Variants in HECA observed in about 807,000 individuals in gnomAD.
HECA encodes the protein headcase protein homolog.
HECA carries 13 observed loss-of-function variants against 37.6 expected under a neutral mutation model. The ratio of observed to expected loss-of-function variants is 0.35; its 90% CI spans 0.23 to 0.55. The LOEUF (loss-of-function observed/expected upper bound fraction) is 0.55, where lower values mean the gene tolerates loss of function less well. Among genes scored for constraint, HECA ranks in the 20% least tolerant of loss-of-function variants. The pLI is 0.90. For missense variants in HECA, 527 were observed against 701.9 expected (o/e 0.75, Z 2.82); for synonymous variants, 307 against 291.5 (o/e 1.05, Z -0.54).
At chr6:139,135,827 A>T (rs1488386224) in intron 1 of HECA, among the ~76,000 whole-genome samples, 160 bp downstream of exon 1, 1 of 150,742 alleles carries the variant, frequency 6.6e-6, no homozygotes, top group East Asian at 2.0e-4. Context: ...CGCGGTCCCC[A>T]CGCCTGGCGG....
intron 1 of HECA, among the ~76,000 whole-genome samples, chr6:139,141,041 C>T (rs956163295): frequency 6.6e-6 from 1 of 152,204 alleles, no homozygotes; most frequent in African/African-American, 2.4e-5. Flanking sequence ...CCGCCCACCT[C>T]GGCCTCCCAA....
intron 1 of HECA, among the ~76,000 whole-genome samples, chr6:139,136,876 C>A (rs557183166): frequency 6.6e-6 from 1 of 152,054 alleles, no homozygotes; most frequent in Non-Finnish European, 1.5e-5. Context: ...CCTCGTGATC[C>A]GCCCGTCTCG....
chr6:139,170,581 G>A (rs1237691694), intron 2 of HECA: 1 of 152,318 alleles, frequency 6.6e-6, no homozygotes, highest in Admixed American at 6.6e-5. Flanking sequence ...GCAAAGGAAG[G>A]GTGGTTAAAA....
chr6:139,140,131 C>T (rs1001330066), intron 1 of HECA, among the ~76,000 whole-genome samples: 1 of 152,068 alleles, frequency 6.6e-6, no homozygotes, highest in African/African-American at 2.4e-5. Flanking sequence ...TTTTTATAAC[C>T]GAGGTTTGTA....
At chr6:139,139,092 A>T (rs1774484340) in intron 1 of HECA, among the ~76,000 whole-genome samples, 1 of 152,188 alleles carries the variant, frequency 6.6e-6, no homozygotes, top group South Asian at 2.1e-4. Context: ...CTGTTATTGG[A>T]TGACCATGGT....
At chr6:139,171,839 T>G (rs957555653) in intron 2 of HECA, among the ~76,000 whole-genome samples, 2 of 151,636 alleles carry the variant, frequency 1.3e-5, no homozygotes, top group Non-Finnish European at 2.9e-5. Context: ...TTGTTGTGTT[T>G]TTTTTTTTTG....
Position 139,138,482 on chromosome 6 carries a change from CTT to C in HECA, c.271+2816_271+2817del, listed in dbSNP as rs199949948. On this transcript the variant is annotated intron_variant, in intron 1 of 3. Transcript: ENST00000367658. ...ATCTGCAAACATGCAAACTTAATGACTTCGCTTAAAATTAATAGTGTTTATTT... is the reference window on the plus strand; with the variant it reads ...ATCTGCAAACATGCAAACTTAATGACCGCTTAAAATTAATAGTGTTTATTT... Among the ~76,000 whole-genome samples the C allele has an allele frequency of 2.1e-4, 32 of 152,262 alleles. No individual in the cohort carries two copies. The East Asian group carries it at 6.0e-3, about 28-fold the overall frequency.
Position 139,174,503 on chromosome 6 carries a change from C to T in HECA, c.1431C>T (p.Tyr477=). Residue 477 remains tyrosine (Y), a synonymous_variant, in exon 3 of 4, where the codon TAC becomes TAT. Coordinates refer to ENST00000367658, the MANE Select transcript of HECA (RefSeq NM_016217.3). ...GCTGGCACCAGCTGGGCACTATGTA[C>T]ACCTACGACATCCTGGCTGCCTCTC... The part of the protein sequence containing the change: ...DGSWHQLGTM[Y]TYDILAASPC... 6.2e-7 allele frequency: 1 copy of T among 1,614,032 alleles called. No homozygotes were observed.
chr6:139,150,961 A>G (rs980728426), intron 1 of HECA: 2 of 152,236 alleles, frequency 1.3e-5, no homozygotes, highest in Non-Finnish European at 2.9e-5. Flanking sequence ...CTGCTAGTTC[A>G]CAACAATCAT....
At chr6:139,148,780 T>C (rs1426250370) in intron 1 of HECA, among the ~76,000 whole-genome samples, 1 of 151,838 alleles carries the variant, frequency 6.6e-6, no homozygotes, top group African/African-American at 2.4e-5. Context: ...AAAAAAAAAT[T>C]GGTTGCAACT....
Position 139,180,644 on chromosome 6 carries a change from C to G in HECA, c.*3539C>G, listed in dbSNP as rs41289807. The G allele has an allele frequency of 4.0e-3, 613 of 152,646 alleles. 2 individuals carry two copies. The highest frequency in any genetic ancestry group is 0.014 in the Middle Eastern group (4 of 294). The allele number at this position is 152,646 out of a possible 1,614,324, so 9.5% of individuals were successfully genotyped here. A position where few individuals can be genotyped will look rare whatever the true frequency, so the allele number is the denominator to read the frequency against. ...ATTCTTGTCAGTAAAGATTTCTTGT[C>G]AAGATGTCTTGGATTGCACTTTTGT... On this transcript the variant is annotated 3_prime_UTR_variant, in exon 4 of 4. Coordinates refer to ENST00000367658, the MANE Select transcript of HECA (RefSeq NM_016217.3).
intron 1 of HECA, among the ~76,000 whole-genome samples, chr6:139,159,628 C>T (rs1272910306): frequency 6.6e-6 from 1 of 152,168 alleles, no homozygotes; most frequent in Non-Finnish European, 1.5e-5. Context: ...TGGGCTGGTT[C>T]TCCCCATGGG....
chr6:139,139,938 A>G (rs762447278), intron 1 of HECA, among the ~76,000 whole-genome samples: 11 of 152,248 alleles, frequency 7.2e-5, no homozygotes, highest in Non-Finnish European at 1.5e-4. Context: ...AATATTTCTC[A>G]CTAACAACTA....
intron 1 of HECA, among the ~76,000 whole-genome samples, chr6:139,149,197 C>G (rs1048071844): frequency 2.6e-5 from 4 of 152,106 alleles, no homozygotes; most frequent in African/African-American, 9.7e-5. Context: ...ATCCAGGGAG[C>G]CTTTGTGCCT....
In HECA at chr6:139,178,645, G is replaced by C. The variant is rs189789197; in HGVS notation, c.*1540G>C. ...GCTGGAGTGCAGTAGTGCGATCTCA[G>C]CTCACTGCAACCTCTGCCTCCTGGA... On this transcript the variant is annotated 3_prime_UTR_variant, in exon 4 of 4. Coordinates refer to ENST00000367658, the MANE Select transcript of HECA (RefSeq NM_016217.3). 9.3e-4 allele frequency: 141 copies of C among 151,966 alleles called. No homozygotes were observed. The highest frequency in any genetic ancestry group is 2.6e-3 in the African/African-American group (109 of 41,430). 9.4% of individuals were successfully genotyped at this position (151,966 alleles called of 1,614,324 possible).
rs1452957934 is a variant in HECA, at chr6:139,179,754, T to G, written c.*2649T>G. On this transcript the variant is annotated 3_prime_UTR_variant, in exon 4 of 4. Coordinates refer to ENST00000367658, the MANE Select transcript of HECA (RefSeq NM_016217.3). ...GAATACTTTGATTGGAATTGGAATATATCAAAAAAGGTTAGTATTTTTGTT... is the reference window on the plus strand; with the variant it reads ...GAATACTTTGATTGGAATTGGAATAGATCAAAAAAGGTTAGTATTTTTGTT... The G allele has an allele frequency of 6.6e-6, 1 of 152,174 alleles. No individual in the cohort carries two copies. The highest frequency in any genetic ancestry group is 1.5e-5 in the Non-Finnish European group (1 of 68,008). 9.4% of individuals were successfully genotyped at this position (152,174 alleles called of 1,614,324 possible).
At chr6:139,136,326 G>C (rs531166400) in intron 1 of HECA, among the ~76,000 whole-genome samples, 2 of 151,406 alleles carry the variant, frequency 1.3e-5, no homozygotes, top group South Asian at 2.1e-4. Context: ...ATGTCATTGT[G>C]CTTAACATTT....
intron 1 of HECA, among the ~76,000 whole-genome samples, chr6:139,150,224 A>G (rs749997191): frequency 1.6e-4 from 25 of 152,188 alleles, no homozygotes; most frequent in Non-Finnish European, 3.2e-4. Context: ...TTACCAAACT[A>G]TATTGTGGAT....
chr6:139,172,942 A>G (rs1293213739), intron 2 of HECA, among the ~76,000 whole-genome samples: 1 of 152,192 alleles, frequency 6.6e-6, no homozygotes, highest in African/African-American at 2.4e-5. Context: ...CTTCATCATT[A>G]TGGTCATCGT....
Sources: allele counts gnomAD v4.1 joint callset (sites outside exome capture counted in the v4.1 genomes callset), GRCh38; gene constraint gnomAD v4.1.1; transcripts MANE v1.5; gene names NCBI Gene and HGNC (gene_info 2026-07-23, HGNC 2026-07-21).